The following FBXO24 variants were observed in gnomAD, a reference collection of about 807,000 sequenced individuals.
The protein encoded by FBXO24 is F-box only protein 24.
FBXO24 carries 30 observed loss-of-function variants against 63.5 expected under a neutral mutation model. The ratio of observed to expected loss-of-function variants is 0.47; its 90% CI spans 0.35 to 0.64. The LOEUF (loss-of-function observed/expected upper bound fraction) is 0.64, where lower values mean the gene tolerates loss of function less well. Ranked by LOEUF, FBXO24 falls within the 30% of genes least tolerant of loss-of-function variation. FBXO24 has a pLI of 0.00. For missense variants in FBXO24, 624 were observed against 763.4 expected, an observed-to-expected ratio of 0.82 and a Z score of 2.15; for synonymous variants, 300 against 305.0, an observed-to-expected ratio of 0.98 and a Z score of 0.17.
rs369057503 is a variant in FBXO24, at chr7:100,597,684, G to A, written c.1206+1978G>A. On this transcript the variant is annotated intron_variant, in intron 8 of 9. Coordinates refer to ENST00000241071, the MANE Select transcript of FBXO24 (RefSeq NM_033506.3). ...GCTGGGATTACAGGTGTGAGCCACCGCACCCAGCCTCTTTTTATTTTTATT... is the reference window on the plus strand; with the variant it reads ...GCTGGGATTACAGGTGTGAGCCACCACACCCAGCCTCTTTTTATTTTTATT... Among the ~76,000 whole-genome samples the A allele has an allele frequency of 6.0e-5, 9 of 150,556 alleles. No homozygotes were observed. The East Asian group carries it at 1.2e-3, about 20-fold the overall frequency.
rs371089503 is a variant in FBXO24, at chr7:100,600,923, C to T, written c.*24C>T. On this transcript the variant is annotated 3_prime_UTR_variant, in exon 10 of 10. Coordinates refer to ENST00000241071, the MANE Select transcript of FBXO24 (RefSeq NM_033506.3). The surrounding 1 kb of genome is among the most constrained non-coding windows in gnomAD (Gnocchi z 6.3). ...AATCCCCCTCATGCTAGCCTAGTCCCTGGAGGAGGGAGTCCGGCCCCAGGC... is the reference window on the plus strand; with the variant it reads ...AATCCCCCTCATGCTAGCCTAGTCCTTGGAGGAGGGAGTCCGGCCCCAGGC... 6.3e-7 allele frequency: 1 copy of T among 1,599,150 alleles called. No individual in the cohort carries two copies.
chr7:100,592,754 A>T (rs1802091713), intron 4 of FBXO24, 29 bp from the exon 5 acceptor site: 1 of 1,588,522 alleles, frequency 6.3e-7, no homozygotes, highest in Middle Eastern at 2.0e-4. Context: ...GAAACTCTAG[A>T]TCCCAGACGC....
Position 100,586,629 on chromosome 7 carries a change from G to T in FBXO24, c.4G>T (p.Gly2Cys). 6.2e-7 allele frequency: 1 copy of T among 1,614,218 alleles called. No homozygotes were observed. The highest frequency in any genetic ancestry group is 2.2e-5 in the East Asian group (1 of 44,896). Residue 2 changes from glycine (G) to cysteine (C), a missense_variant, in exon 1 of 10, where the codon GGC becomes TGC. Transcript: ENST00000241071. ...GACGGCTCTACCTACCAATAGCATG[G>T]GCGAGAAGGCGGTCCCTTTGCTAAG... M[G>C]EKAVPLLRRR...
intron 8 of FBXO24, among the ~76,000 whole-genome samples, chr7:100,599,430 T>C (rs1214184001): frequency 6.6e-6 from 1 of 150,896 alleles, no homozygotes; most frequent in Non-Finnish European, 1.5e-5. Context: ...AAAAATTAGA[T>C]GGGTGTGGTG....
intron 8 of FBXO24, among the ~76,000 whole-genome samples, chr7:100,596,980 T>G (rs577489242): frequency 2.0e-5 from 3 of 152,098 alleles, no homozygotes; most frequent in Non-Finnish European, 4.4e-5. Flanking sequence ...AGGCAGAGGT[T>G]GCGGTGAGCC....
At chr7:100,587,568 G>T (rs1159982465) in intron 1 of FBXO24, among the ~76,000 whole-genome samples, 4 of 147,884 alleles carry the variant, frequency 2.7e-5, no homozygotes, top group African/African-American at 1.0e-4. Context: ...CTCCCAAAGT[G>T]CTGGCATTAC....
intron 1 of FBXO24, chr7:100,589,700 G>A: frequency 1.3e-6 from 2 of 1,545,482 alleles, no homozygotes; most frequent in Non-Finnish European, 1.7e-6. Flanking sequence ...AGGAGGGCAG[G>A]AGCAGGGAGG....
chr7:100,593,117 A>T, intron 5 of FBXO24, 100 bp downstream of exon 5: 1 of 850,072 alleles, frequency 1.2e-6, no homozygotes, highest in Non-Finnish European at 1.9e-6. Flanking sequence ...TGGGTTCCAT[A>T]TGCCACCTTA....
chr7:100,600,534 GTCCCTCTGTGTGCCTGTGCCC>G lies in FBXO24; in HGVS notation c.1381_1401del (p.Pro461_Leu467del). On this transcript the variant is annotated inframe_deletion and splice_region_variant, in exon 10 of 10. Coordinates refer to ENST00000241071, the MANE Select transcript of FBXO24 (RefSeq NM_033506.3). This position sits in a 1 kb window ranked among gnomAD's most constrained non-coding sequence, Gnocchi z 6.3. ...TGCCCCCTTTCTCTCCTCCTCCAAG[GTCCCTCTGTGTGCCTGTGCCC>G]TCTGTGCCACCAGGGAGTGCCTATA... is the stretch of plus-strand genomic sequence containing the variant. 1.9e-6 allele frequency: 3 copies of G among 1,546,000 alleles called. No individual in the cohort carries two copies. The highest frequency in any genetic ancestry group is 2.6e-6 in the Non-Finnish European group (3 of 1,145,784).
intron 6 of FBXO24, 25 bp from the exon 7 acceptor site, chr7:100,595,077 G>A (rs776299314): frequency 1.5e-5 from 24 of 1,613,366 alleles, no homozygotes; most frequent in Non-Finnish European, 1.9e-5. Flanking sequence ...CAAAGCTGCT[G>A]AGCTGAGGGC....
chr7:100,597,875 G>GT (rs1018971388), intron 8 of FBXO24, among the ~76,000 whole-genome samples: 98 of 137,886 alleles, frequency 7.1e-4, no homozygotes, highest in Non-Finnish European at 1.1e-3. Flanking sequence ...ATAAGTTTTT[G>GT]TTTTTTTTGT....
intron 8 of FBXO24, among the ~76,000 whole-genome samples, chr7:100,596,541 C>T (rs1050554816): frequency 2.6e-5 from 4 of 151,964 alleles, no homozygotes; most frequent in African/African-American, 9.7e-5. Flanking sequence ...AGAAGGCAAC[C>T]CCCAAGAGGT....
rs1802274236 is a variant in FBXO24, at chr7:100,595,704, C to T, written c.1204C>T (p.Gln402Ter). 1.2e-6 allele frequency: 2 copies of T among 1,601,532 alleles called. No individual in the cohort carries two copies. The highest frequency in any genetic ancestry group is 1.7e-6 in the Non-Finnish European group (2 of 1,172,106). The change falls in exon 8 of 10, where the codon CAG (glutamine) becomes TAG (stop). Residue 402 changes from glutamine to a stop codon, truncating the protein, a stop_gained and splice_region_variant. Coordinates refer to ENST00000241071, the MANE Select transcript of FBXO24 (RefSeq NM_033506.3). LOFTEE classifies it high-confidence loss of function. ...GDKMDRGEPT[Q>*]VCYLQRPITL... is the part of the protein sequence containing the mutation. ...CAAAATGGACCGAGGGGAACCCACA[C>T]AGGTGAGACTATTTCCCAGCAACTC... is the stretch of plus-strand genomic sequence containing the variant.
chr7:100,589,337 G>C (rs773210807), intron 1 of FBXO24: 59 of 1,037,780 alleles, frequency 5.7e-5, no homozygotes, highest in Non-Finnish European at 6.5e-5. Flanking sequence ...TCTCTACAGA[G>C]TTAGTGCTAA....
In FBXO24 at chr7:100,600,730, A is replaced by T. The variant is rs761621249; in HGVS notation, c.1574A>T (p.Gln525Leu). ...CAGGCCTGCGAGGAGTACCTCAGCC[A>T]GATCCACAGTTGCCAAACGTTGCAG... ...MAQACEEYLS[Q>L]IHSCQTLQDR... Residue 525 changes from glutamine to leucine, a missense_variant, in exon 10 of 10, where the codon CAG becomes CTG. By Grantham distance (113) the Gln-to-Leu change is moderately radical (BLOSUM62 -2). Coordinates refer to ENST00000241071, the MANE Select transcript of FBXO24 (RefSeq NM_033506.3). This position sits in a 1 kb window ranked among gnomAD's most constrained non-coding sequence, Gnocchi z 6.3. 1 of 1,614,186 alleles carries T rather than the reference A, an allele frequency of 6.2e-7. No individual in the cohort carries two copies. The highest frequency in any genetic ancestry group is 8.5e-7 in the Non-Finnish European group (1 of 1,180,018).
intron 8 of FBXO24, 54 bp from the exon 9 acceptor site, chr7:100,599,970 CACCCCAG>C: frequency 3.2e-5 from 46 of 1,448,498 alleles, no homozygotes; most frequent in Non-Finnish European, 4.1e-5. Context: ...AACCTTTTCC[CACCCCAG>C]CCCCCCCGTC....
rs1007445142 is a variant in FBXO24, at chr7:100,594,549, C to A, written c.952+8C>A. The A allele has an allele frequency of 3.5e-5, 55 of 1,569,810 alleles. No individual in the cohort carries two copies. The Admixed American group carries it at 9.8e-4, about 28-fold the overall frequency. On this transcript the variant is annotated splice_region_variant and intron_variant, in intron 6 of 9. Transcript: ENST00000241071. This position sits in a 1 kb window ranked among gnomAD's most constrained non-coding sequence, Gnocchi z 4.2. ...GCACCCTCTACGTCACAGGTATGGA[C>A]CACCTCCCCCCGGCTCAAGCCCGCA...
At position 100,586,381 on chromosome 7, in the gene FBXO24, C is replaced by T. The variant is rs1467155990; in HGVS notation, c.-245C>T. 3 of 630,764 alleles carry T rather than the reference C, an allele frequency of 4.8e-6. No homozygotes were observed. The highest frequency in any genetic ancestry group is 8.3e-6 in the Non-Finnish European group (3 of 362,734). The allele number at this position is 630,764 out of a possible 1,614,324, so 39.1% of individuals were successfully genotyped here. On this transcript the variant is annotated 5_prime_UTR_variant, in exon 1 of 10. Transcript: ENST00000241071. Reference sequence around the variant, plus strand: ...GGCCGTCCCGCCCAGCGCAGCTGCACCCAATCACAATGCTCAGATCGGGAG... The same window carrying T: ...GGCCGTCCCGCCCAGCGCAGCTGCATCCAATCACAATGCTCAGATCGGGAG...
At chr7:100,597,899 T>TG (rs1455345579) in intron 8 of FBXO24, among the ~76,000 whole-genome samples, 5 of 151,146 alleles carry the variant, frequency 3.3e-5, no homozygotes, top group Admixed American at 3.3e-4. Flanking sequence ...TTTTGTTTTT[T>TG]TTTTTTTTAG....
Sources: gnomAD v4.1 joint callset for allele counts (sites outside exome capture counted in the v4.1 genomes callset) on GRCh38, gnomAD v4.1.1 for gene constraint, Gnocchi (gnomAD v3.1) non-coding constraint, MANE v1.5 for transcripts, NCBI Gene and HGNC (gene_info 2026-07-23, HGNC 2026-07-21) for gene names.